MALRD1: variants seen among roughly 807,000 people sequenced by gnomAD.
MALRD1 encodes the protein MAM and LDL-receptor class A domain-containing protein 1.
In MALRD1, 247 loss-of-function variants were observed where a neutral mutation model predicts 242.1. The ratio of observed to expected loss-of-function variants is 1.02; its 90% CI spans 0.92 to 1.13. The LOEUF is 1.13. MALRD1 is among the 50% of genes most tolerant of loss of function. MALRD1 has a pLI of 0.00. For synonymous variants in MALRD1, 995 were observed against 866.6 expected, an observed-to-expected ratio of 1.15 and a Z score of -2.60; for missense variants, 2,989 against 2,533.1, an observed-to-expected ratio of 1.18 and a Z score of -3.86.
chr10:19,058,681 A>G (rs902356063), intron 1 of MALRD1, among the ~76,000 whole-genome samples: 6 of 152,128 alleles, frequency 3.9e-5, no homozygotes, highest in Admixed American at 3.3e-4. Context: ...TCAAAGATAC[A>G]TTTTTCTTTC....
At chr10:19,149,184 A>G (rs1833846621) in intron 11 of MALRD1, among the ~76,000 whole-genome samples, 1 of 151,772 alleles carries the variant, frequency 6.6e-6, no homozygotes, top group Admixed American at 6.6e-5. Context: ...GGTGTGATCC[A>G]TGCTCACTGC....
chr10:19,170,026 A>G (rs892313066), intron 13 of MALRD1, among the ~76,000 whole-genome samples: 3 of 152,324 alleles, frequency 2.0e-5, no homozygotes, highest in African/African-American at 7.2e-5. Context: ...TAGACAATAT[A>G]ACAGAATACA....
At chr10:19,704,559 A>G (rs951332587) in intron 38 of MALRD1, among the ~76,000 whole-genome samples, 2 of 152,206 alleles carry the variant, frequency 1.3e-5, no homozygotes, top group Non-Finnish European at 2.9e-5. Flanking sequence ...GGGGACACAA[A>G]TGTTCAGTTC....
chr10:19,365,998 G>A (rs1290860668), intron 26 of MALRD1, among the ~76,000 whole-genome samples: 2 of 151,952 alleles, frequency 1.3e-5, no homozygotes, highest in African/African-American at 4.8e-5. Flanking sequence ...TTTTAGAGTA[G>A]CGATCCACAA....
At chr10:19,165,557 G>A in intron 12 of MALRD1, 80 bp from the exon 13 acceptor site, 1 of 1,103,838 alleles carries the variant, frequency 9.1e-7, no homozygotes, top group Non-Finnish European at 1.1e-6. Flanking sequence ...CCTGAGGTCA[G>A]GAATATTTCA....
At chr10:19,405,864 T>G (rs1417811080) in intron 28 of MALRD1, among the ~76,000 whole-genome samples, 1 of 152,134 alleles carries the variant, frequency 6.6e-6, no homozygotes, top group Non-Finnish European at 1.5e-5. Flanking sequence ...TGCATTTTTT[T>G]TTTTCCTTTT....
chr10:19,239,563 T>C (rs1326440895), intron 18 of MALRD1, among the ~76,000 whole-genome samples: 1 of 152,184 alleles, frequency 6.6e-6, no homozygotes, highest in Non-Finnish European at 1.5e-5. Context: ...ATTTAAAAAA[T>C]TCTTTTACAA....
chr10:19,685,256 A>G (rs551336758), intron 36 of MALRD1, among the ~76,000 whole-genome samples: 2 of 151,678 alleles, frequency 1.3e-5, no homozygotes, highest in African/African-American at 4.9e-5. Context: ...TTTATTTTCT[A>G]TTTTGCATCT....
At chr10:19,253,939 C>G (rs569390889) in intron 18 of MALRD1, among the ~76,000 whole-genome samples, 30 of 151,946 alleles carry the variant, frequency 2.0e-4, no homozygotes, top group Non-Finnish European at 4.1e-4. Flanking sequence ...CCATACTGTT[C>G]TCACAAAATC....
rs1349573768 is a variant in MALRD1, at chr10:19,103,566, T to TA, written c.598-410dup. On this transcript the variant is annotated intron_variant, in intron 4 of 39. Coordinates refer to ENST00000454679, the MANE Select transcript of MALRD1 (RefSeq NM_001142308.3). ...GACTCCGTCTCAAAAAAAAAAAAAA[T>TA]AAATAAAGATTTAGAGAACCAAAGG... Among the ~76,000 whole-genome samples, 641 of 139,440 alleles carry TA rather than the reference T, an allele frequency of 4.6e-3. 12 individuals carry two copies. Among genetic ancestry groups the TA allele is most frequent in the African/African-American group, 0.012 (460 of 37,048 alleles). The allele number at this position is 139,440 out of a possible 152,430, so 91.5% of individuals were successfully genotyped here.
In MALRD1 at chr10:19,251,975, C is replaced by T. The variant is rs528870161; in HGVS notation, c.2992-5709C>T. The stretch of plus-strand genomic sequence containing the variant: ...GGAAATGCTGGCTTCCCTTTGCCTT[C>T]TGCCATGATTGTAAGTTTCCTGAGG... On this transcript the variant is annotated intron_variant, in intron 18 of 39. Transcript: ENST00000454679. Among the ~76,000 whole-genome samples the T allele has an allele frequency of 3.9e-5, 6 of 152,130 alleles. No individual in the cohort carries two copies. The South Asian group carries it at 1.2e-3, about 32-fold the overall frequency.
chr10:19,122,578 G>A (rs1837100543), intron 5 of MALRD1, among the ~76,000 whole-genome samples: 1 of 152,146 alleles, frequency 6.6e-6, no homozygotes, highest in Admixed American at 6.5e-5. Flanking sequence ...CTGGAACAGT[G>A]AGGGGTGCCA....
At chr10:19,616,997 A>G (rs928488111) in intron 36 of MALRD1, among the ~76,000 whole-genome samples, 3 of 152,040 alleles carry the variant, frequency 2.0e-5, no homozygotes, top group Non-Finnish European at 2.9e-5. Flanking sequence ...GACAGGATAC[A>G]TAATATTAAT....
At chr10:19,101,295 C>A (rs1353408055) in intron 4 of MALRD1, among the ~76,000 whole-genome samples, 4 of 145,306 alleles carry the variant, frequency 2.8e-5, no homozygotes, top group Non-Finnish European at 6.0e-5. Flanking sequence ...AAATATATAA[C>A]ATATATCTAT....
intron 1 of MALRD1, among the ~76,000 whole-genome samples, chr10:19,056,572 TA>T (rs1834675462): frequency 6.6e-6 from 1 of 152,290 alleles, no homozygotes; most frequent in African/African-American, 2.4e-5. Flanking sequence ...TTATTAGTTT[TA>T]ACAGTTTTTT....
At chr10:19,489,873 C>T (rs1045378383) in intron 29 of MALRD1, among the ~76,000 whole-genome samples, 1 of 152,168 alleles carries the variant, frequency 6.6e-6, no homozygotes, top group African/African-American at 2.4e-5. Context: ...ATTGTGGGCA[C>T]TGTGTAGCCT....
chr10:19,281,844 T>C (rs535715128), intron 20 of MALRD1, among the ~76,000 whole-genome samples: 1 of 151,574 alleles, frequency 6.6e-6, no homozygotes, highest in Non-Finnish European at 1.5e-5. Flanking sequence ...TGTGGTGGCG[T>C]GTGCCTGTAA....
At position 19,512,336 on chromosome 10, in the gene MALRD1, A is replaced by T. The variant is rs375032333; in HGVS notation, c.5320+13690A>T. On this transcript the variant is annotated intron_variant, in intron 31 of 39. Coordinates refer to ENST00000454679, the MANE Select transcript of MALRD1 (RefSeq NM_001142308.3). ...GGGCAAAGGCCTCAGTGACTATTTGATAAGATTTCATAATTGGTGCTTTCC... is the reference window on the plus strand; with the variant it reads ...GGGCAAAGGCCTCAGTGACTATTTGTTAAGATTTCATAATTGGTGCTTTCC... Among the ~76,000 whole-genome samples the T allele has an allele frequency of 4.6e-5, 7 of 152,208 alleles. No individual in the cohort carries two copies. The East Asian group carries it at 1.3e-3, about 29-fold the overall frequency.
intron 35 of MALRD1, among the ~76,000 whole-genome samples, chr10:19,609,382 A>G (rs1462147731): frequency 6.6e-6 from 1 of 152,072 alleles, no homozygotes; most frequent in Non-Finnish European, 1.5e-5. Context: ...TGTCAATCAA[A>G]TATATTAAAG....
Sources: gnomAD v4.1 joint callset for allele counts (sites outside exome capture counted in the v4.1 genomes callset) on GRCh38, gnomAD v4.1.1 for gene constraint, MANE v1.5 for transcripts, NCBI Gene and HGNC (gene_info 2026-07-23, HGNC 2026-07-21) for gene names.